The following EYS variants were observed in gnomAD, a reference collection of about 807,000 sequenced individuals.
EYS encodes the protein protein eyes shut homolog.
Under a neutral mutation model 282.1 loss-of-function variants are expected in EYS, and 250 were observed. The observed-to-expected ratio is 0.89, with a 90% CI of 0.80 to 0.98. The LOEUF is 0.98. EYS is among the 50% of genes least tolerant of loss of function. The probability of loss-of-function intolerance (pLI) is 0.00; values close to 1 mark genes in which losing one functional copy is unlikely to be tolerated. For missense variants in EYS, 4,016 were observed against 3,709.0 expected (o/e 1.08, Z -2.15); for synonymous variants, 1,355 against 1,282.9 (o/e 1.06, Z -1.20).
chr6:65,266,421 C>A (rs941806033), intron 12 of EYS, among the ~76,000 whole-genome samples: 2 of 151,864 alleles, frequency 1.3e-5, no homozygotes, highest in Admixed American at 6.6e-5. Flanking sequence ...CCATTATTTT[C>A]TTTCACTTTG....
chr6:64,987,044 G>A (rs994752249), intron 14 of EYS, among the ~76,000 whole-genome samples: 2 of 151,310 alleles, frequency 1.3e-5, no homozygotes, highest in African/African-American at 2.4e-5. Context: ...TATATCCTTA[G>A]GAAAAGATTT....
chr6:64,188,010 G>A (rs191164577), intron 31 of EYS, among the ~76,000 whole-genome samples: 26 of 152,076 alleles, frequency 1.7e-4, no homozygotes, highest in Non-Finnish European at 3.2e-4. Flanking sequence ...GTAATGAGTT[G>A]AGATGGTAAT....
At chr6:64,372,051 TGTC>T (rs1391778630) in intron 29 of EYS, among the ~76,000 whole-genome samples, 1 of 152,040 alleles carries the variant, frequency 6.6e-6, no homozygotes, top group Non-Finnish European at 1.5e-5. Context: ...GATTTGATCT[TGTC>T]ATCATGTTGT....
intron 13 of EYS, among the ~76,000 whole-genome samples, chr6:65,022,981 AG>A (rs1444948634): frequency 6.6e-6 from 1 of 152,092 alleles, no homozygotes; most frequent in Non-Finnish European, 1.5e-5. Context: ...TGTCCAGAAT[AG>A]GAAAATTTAT....
intron 31 of EYS, among the ~76,000 whole-genome samples, chr6:64,205,488 A>G (rs1246741574): frequency 6.6e-6 from 1 of 152,190 alleles, no homozygotes; most frequent in Non-Finnish European, 1.5e-5. Flanking sequence ...GCAGAATGAA[A>G]TGGTAAATTT....
intron 2 of EYS, among the ~76,000 whole-genome samples, chr6:65,539,032 G>A (rs1287692008): frequency 3.9e-5 from 6 of 152,156 alleles, no homozygotes; most frequent in Admixed American, 6.5e-5. Flanking sequence ...GAATAATTAT[G>A]TCTTTAAGGT....
At chr6:65,518,631 G>A (rs1767230480) in intron 2 of EYS, among the ~76,000 whole-genome samples, 1 of 152,070 alleles carries the variant, frequency 6.6e-6, no homozygotes, top group Non-Finnish European at 1.5e-5. Flanking sequence ...AAAAGTTATT[G>A]TCTTTTCTTG....
Position 65,201,588 on chromosome 6 carries a change from T to A in EYS, c.2023+94275A>T, listed in dbSNP as rs902008841. On this transcript the variant is annotated intron_variant, in intron 12 of 42. Coordinates refer to ENST00000503581, the MANE Select transcript of EYS (RefSeq NM_001142800.2). ...TAATGTATAACTAATTATTATCCAT[T>A]GCTGCCATTTCTGAATTTTACATAA... Among the ~76,000 whole-genome samples the A allele has an allele frequency of 7.2e-5, 11 of 152,286 alleles. No individual in the cohort carries two copies. In the East Asian group the frequency reaches 2.1e-3, roughly 29 times the overall value.
intron 15 of EYS, among the ~76,000 whole-genome samples, chr6:64,917,256 A>C (rs971742977): frequency 6.6e-6 from 1 of 151,914 alleles, no homozygotes; most frequent in African/African-American, 2.4e-5. Context: ...CTCAAAAAAA[A>C]AAAAAACAAA....
intron 30 of EYS, among the ~76,000 whole-genome samples, chr6:64,269,474 A>G (rs976656214): frequency 2.0e-5 from 3 of 152,096 alleles, no homozygotes; most frequent in Non-Finnish European, 4.4e-5. Context: ...TTATCCCTCT[A>G]GGTAATCTTT....
intron 2 of EYS, among the ~76,000 whole-genome samples, chr6:65,629,725 C>T (rs1225730774): frequency 6.6e-6 from 1 of 152,110 alleles, no homozygotes; most frequent in Non-Finnish European, 1.5e-5. Context: ...TTTGGCGGCC[C>T]TACAATTAAA....
At chr6:64,786,999 A>C (rs1200715339) in intron 22 of EYS, among the ~76,000 whole-genome samples, 1 of 152,102 alleles carries the variant, frequency 6.6e-6, no homozygotes, top group African/African-American at 2.4e-5. Context: ...CTTTTTCTAG[A>C]GGTCAGTAGA....
At chr6:63,760,648 ATATC>A (rs36182718) in intron 41 of EYS, among the ~76,000 whole-genome samples, 32,782 of 145,712 alleles carry the variant, frequency 0.22, 3,693 homozygotes, top group East Asian at 0.26. Context: ...GTATGTATGT[ATATC>A]TATCTATCTA....
At chr6:64,705,756 T>C (rs1770983219) in intron 22 of EYS, among the ~76,000 whole-genome samples, 1 of 147,782 alleles carries the variant, frequency 6.8e-6, no homozygotes, top group Admixed American at 6.9e-5. Context: ...ATATTCTCAC[T>C]CATAGGTGGG....
intron 31 of EYS, among the ~76,000 whole-genome samples, chr6:64,133,143 C>A (rs189007783): frequency 0.019 from 2,927 of 151,740 alleles, 80 homozygotes; most frequent in African/African-American, 0.066. Context: ...TTTTTTGTAA[C>A]AAAAAAGGAT....
intron 36 of EYS, among the ~76,000 whole-genome samples, chr6:63,859,467 C>A (rs1487362550): frequency 2.0e-5 from 3 of 151,498 alleles, no homozygotes; most frequent in African/African-American, 7.3e-5. Flanking sequence ...CATTGAGAGG[C>A]TTAAGTTGGG....
At chr6:63,754,137 T>C (rs896852038) in intron 41 of EYS, among the ~76,000 whole-genome samples, 22 of 152,226 alleles carry the variant, frequency 1.4e-4, no homozygotes, top group South Asian at 2.1e-4. Context: ...AACTTTTGCC[T>C]GGTCTTAACC....
intron 12 of EYS, among the ~76,000 whole-genome samples, chr6:65,293,695 CG>C (rs1343099433): frequency 2.0e-5 from 3 of 151,788 alleles, no homozygotes; most frequent in Non-Finnish European, 4.4e-5. Context: ...ACATGCTGGA[CG>C]CTAGAGCTAC....
chr6:64,089,826 T>C (rs1772292702), intron 31 of EYS, among the ~76,000 whole-genome samples: 1 of 152,092 alleles, frequency 6.6e-6, no homozygotes, highest in Admixed American at 6.6e-5. Flanking sequence ...ATTTCTCCTT[T>C]TGATTGTACC....
Sources: gnomAD v4.1 joint callset for allele counts (sites outside exome capture counted in the v4.1 genomes callset) on GRCh38, gnomAD v4.1.1 for gene constraint, MANE v1.5 for transcripts, NCBI Gene and HGNC (gene_info 2026-07-23, HGNC 2026-07-21) for gene names.